The following CCDC158 variants were observed in gnomAD, a reference collection of about 807,000 sequenced individuals.
CCDC158 encodes coiled-coil domain-containing protein 158.
CCDC158 carries 116 observed loss-of-function variants against 138.6 expected under a neutral mutation model. That is an observed-to-expected ratio of 0.84 (90% CI 0.72 to 0.98). CCDC158 has a LOEUF of 0.98. Ranked by LOEUF, CCDC158 falls within the 50% of genes least tolerant of loss-of-function variation. CCDC158 has a pLI of 0.00. For synonymous variants in CCDC158, 436 were observed against 442.4 expected (o/e 0.99, Z 0.18); for missense variants, 1,265 against 1,306.1 (o/e 0.97, Z 0.48).
chr4:76,396,614 A>ATG, intron 3 of CCDC158, 128 bp from the exon 4 acceptor site: 7 of 627,956 alleles, frequency 1.1e-5, no homozygotes, highest in Non-Finnish European at 1.9e-5. Context: ...GGGTTCAAGC[A>ATG]ATTCTCCTGC....
intron 4 of CCDC158, among the ~76,000 whole-genome samples, chr4:76,392,739 C>T (rs1052109226): frequency 2.0e-5 from 3 of 151,820 alleles, no homozygotes; most frequent in Non-Finnish European, 4.4e-5. Flanking sequence ...TTGGAAAAAC[C>T]TAAAGACTCC....
chr4:76,328,323 C>T (rs1250539151), intron 22 of CCDC158, among the ~76,000 whole-genome samples: 1 of 152,236 alleles, frequency 6.6e-6, no homozygotes, highest in Non-Finnish European at 1.5e-5. Flanking sequence ...AACCAAATGG[C>T]TAAAGACATC....
At chr4:76,330,829 G>C (rs191877907) in intron 21 of CCDC158, among the ~76,000 whole-genome samples, 2 of 152,066 alleles carry the variant, frequency 1.3e-5, no homozygotes, top group Non-Finnish European at 2.9e-5. Context: ...TCTCTGCAGG[G>C]GTCCTGGAAC....
chr4:76,397,641 T>C (rs1167946784), intron 3 of CCDC158, among the ~76,000 whole-genome samples: 1 of 152,212 alleles, frequency 6.6e-6, no homozygotes, highest in Non-Finnish European at 1.5e-5. Context: ...TGAATAAATG[T>C]ACTGAAGTCT....
chr4:76,414,054 G>A (rs1729502262), intron 1 of CCDC158, among the ~76,000 whole-genome samples: 2 of 152,012 alleles, frequency 1.3e-5, no homozygotes, highest in Admixed American at 6.6e-5. Flanking sequence ...GACTACAGCT[G>A]CACACCACCA....
intron 14 of CCDC158, among the ~76,000 whole-genome samples, chr4:76,356,912 G>A (rs1407950592): frequency 2.0e-5 from 3 of 152,100 alleles, no homozygotes; most frequent in African/African-American, 7.2e-5. Context: ...TCTGGGTGGT[G>A]AGAAGGTCCC....
intron 9 of CCDC158, among the ~76,000 whole-genome samples, chr4:76,372,548 G>A (rs1195129655): frequency 1.3e-5 from 2 of 152,098 alleles, no homozygotes; most frequent in Non-Finnish European, 2.9e-5. Context: ...TCAAAGTTTC[G>A]GTAATAAAAG....
At chr4:76,374,142 T>G (rs951301600) in intron 9 of CCDC158, among the ~76,000 whole-genome samples, 1 of 151,800 alleles carries the variant, frequency 6.6e-6, no homozygotes, top group African/African-American at 2.4e-5. Flanking sequence ...GGCAACAGAG[T>G]GAGACACTCT....
intron 2 of CCDC158, among the ~76,000 whole-genome samples, chr4:76,408,192 AT>A (rs545853801): frequency 0.028 from 4,167 of 148,842 alleles, 189 homozygotes; most frequent in African/African-American, 0.097. Context: ...ATATATATAT[AT>A]TTTTTTATTA....
At chr4:76,344,553 A>T (rs1333038184) in intron 18 of CCDC158, 6 of 1,021,570 alleles carry the variant, frequency 5.9e-6, no homozygotes, top group African/African-American at 1.6e-5. Flanking sequence ...TGAATAGCTG[A>T]CATCTGTATC....
In CCDC158 at chr4:76,412,483, G is replaced by A. The variant is rs142465074; in HGVS notation, c.-116-351C>T. ...TTTTTAAAAATAGCCTATAGTGGCC[G>A]GGCATGGTGGCTCATGACTGTTATC... On this transcript the variant is annotated intron_variant, in intron 1 of 24. Coordinates refer to ENST00000682701, the MANE Select transcript of CCDC158 (RefSeq NM_001394954.1). 1.8e-3 allele frequency among the ~76,000 whole-genome samples: 270 copies of A among 152,156 alleles called. 2 individuals are homozygous for A. Among genetic ancestry groups the A allele is most frequent in the African/African-American group, 6.1e-3 (253 of 41,506 alleles).
In CCDC158 at chr4:76,400,491, C is replaced by G. The variant is rs555124275; in HGVS notation, c.70+2647G>C. Among the ~76,000 whole-genome samples the G allele has an allele frequency of 2.4e-4, 36 of 151,570 alleles. No individual in the cohort carries two copies. The South Asian group carries it at 7.1e-3, about 30-fold the overall frequency. On this transcript the variant is annotated intron_variant, in intron 3 of 24. Transcript: ENST00000682701. ...ATGGGTGCAGCACACCAACATGGCA[C>G]ATGTATACATATGTAACAAACCTGC... is the stretch of plus-strand genomic sequence containing the variant.
chr4:76,349,686 A>G (rs1332771467), intron 18 of CCDC158, among the ~76,000 whole-genome samples: 2 of 152,216 alleles, frequency 1.3e-5, no homozygotes, highest in African/African-American at 4.8e-5. Flanking sequence ...ATAAATAAAT[A>G]AACAAATAAA....
chr4:76,360,827 T>G (rs1325800605), intron 13 of CCDC158, among the ~76,000 whole-genome samples: 1 of 152,220 alleles, frequency 6.6e-6, no homozygotes, highest in Non-Finnish European at 1.5e-5. Flanking sequence ...TTTGAGTTAA[T>G]GCTGGAATGA....
intron 4 of CCDC158, 125 bp from the exon 5 acceptor site, chr4:76,384,790 G>A (rs1013956370): frequency 2.6e-5 from 17 of 648,230 alleles, no homozygotes; most frequent in Non-Finnish European, 4.6e-5. Flanking sequence ...CCTCACTGCT[G>A]CAGTTCAAAG....
chr4:76,384,483 C>T (rs1306699972), intron 5 of CCDC158, 68 bp from the exon 6 acceptor site: 3 of 1,542,270 alleles, frequency 1.9e-6, no homozygotes, highest in African/African-American at 1.4e-5. Context: ...AGTTTTACTA[C>T]AAACAGTAAA....
At chr4:76,397,057 T>A (rs574714858) in intron 3 of CCDC158, among the ~76,000 whole-genome samples, 22 of 152,238 alleles carry the variant, frequency 1.4e-4, no homozygotes, top group African/African-American at 5.1e-4. Context: ...TAATTTGTGA[T>A]CGGGGGCAAA....
At chr4:76,345,386 A>T in intron 18 of CCDC158, 1 of 999,956 alleles carries the variant, frequency 1.0e-6, no homozygotes, top group Non-Finnish European at 1.6e-6. Context: ...AAGACGTCAA[A>T]TTGGCTGAGG....
chr4:76,344,496 G>A (rs866799869), intron 18 of CCDC158: 34 of 780,580 alleles, frequency 4.4e-5, no homozygotes, highest in Middle Eastern at 7.2e-4. Flanking sequence ...AAGAGCTACA[G>A]GCTTGTCCTC....
Sources: gnomAD v4.1 joint callset for allele counts (sites outside exome capture counted in the v4.1 genomes callset) on GRCh38, gnomAD v4.1.1 for gene constraint, MANE v1.5 for transcripts, NCBI Gene and HGNC (gene_info 2026-07-23, HGNC 2026-07-21) for gene names.